Variants in INSC observed in about 807,000 individuals in gnomAD.
INSC encodes protein inscuteable homolog.
Under a neutral mutation model 58.6 loss-of-function variants are expected in INSC, and 67 were observed. That is an observed-to-expected ratio of 1.14 (90% CI 0.94 to 1.40). The LOEUF (loss-of-function observed/expected upper bound fraction) is 1.40, where lower values mean the gene tolerates loss of function less well. Among genes scored for constraint, INSC ranks in the 40% most tolerant of loss-of-function variants. The pLI, the probability that INSC is intolerant of heterozygous loss-of-function variation, is 0.00. For missense variants in INSC, 714 were observed against 692.0 expected, an observed-to-expected ratio of 1.03 and a Z score of -0.36; for synonymous variants, 262 against 276.1, an observed-to-expected ratio of 0.95 and a Z score of 0.51.
intron 7 of INSC, among the ~76,000 whole-genome samples, chr11:15,210,999 G>A (rs1334553590): frequency 1.3e-5 from 2 of 152,046 alleles, no homozygotes; most frequent in East Asian, 3.9e-4. Context: ...GGCAAGTGGT[G>A]GGTCCTCTGG....
At position 15,225,811 on chromosome 11, in the gene INSC, C is replaced by A. The variant is rs747142793; in HGVS notation, c.1153C>A (p.Pro385Thr). 3.3e-5 allele frequency: 53 copies of A among 1,613,028 alleles called. No homozygotes were observed. Among genetic ancestry groups the A allele is most frequent in the Non-Finnish European group, 4.4e-5 (52 of 1,179,598 alleles). ...CAGTGACAAGCAGAGAGTGGACACG[C>A]CTTACACTCGGGACCAGGTAAGACG... ...ACSDKQRVDT[P>T]YTRDQIVTIL... Residue 385 changes from proline to threonine, a missense_variant, in exon 9 of 13, where the codon CCT (proline) becomes ACT (threonine). Coordinates refer to ENST00000379556, the MANE Select transcript of INSC (RefSeq NM_001042536.3).
chr11:15,142,008 G>A (rs572140803), intron 1 of INSC, among the ~76,000 whole-genome samples: 69 of 152,308 alleles, frequency 4.5e-4, no homozygotes, highest in Admixed American at 9.8e-4. Context: ...CAACAGGACA[G>A]AGACTAAATA....
At chr11:15,200,358 A>G (rs894268251) in intron 6 of INSC, among the ~76,000 whole-genome samples, 1 of 152,182 alleles carries the variant, frequency 6.6e-6, no homozygotes, top group Non-Finnish European at 1.5e-5. Context: ...TCTGAGGAAT[A>G]GCATGGTGAC....
chr11:15,225,972 C>A, intron 9 of INSC, 144 bp downstream of exon 9: 2 of 767,524 alleles, frequency 2.6e-6, no homozygotes, highest in Middle Eastern at 3.8e-4. Flanking sequence ...ATATTCTCCA[C>A]GTTTCTCATT....
chr11:15,135,149 G>T (rs889058880), intron 1 of INSC, among the ~76,000 whole-genome samples: 3 of 152,050 alleles, frequency 2.0e-5, no homozygotes, highest in African/African-American at 7.2e-5. Flanking sequence ...GTGCTGGGGT[G>T]CCATGACCAA....
intron 2 of INSC, among the ~76,000 whole-genome samples, chr11:15,173,681 A>G (rs928067272): frequency 1.3e-5 from 2 of 152,168 alleles, no homozygotes; most frequent in African/African-American, 4.8e-5. Context: ...ACAAAATGTA[A>G]TAGCTATTTC....
At chr11:15,209,430 C>T (rs189534533) in intron 7 of INSC, among the ~76,000 whole-genome samples, 3 of 152,348 alleles carry the variant, frequency 2.0e-5, no homozygotes, top group Admixed American at 6.5e-5. Flanking sequence ...TCTGCCTGTG[C>T]TGGGTGTCCC....
At chr11:15,189,676 C>A (rs1289104478) in intron 5 of INSC, among the ~76,000 whole-genome samples, 2 of 152,214 alleles carry the variant, frequency 1.3e-5, no homozygotes, top group Non-Finnish European at 2.9e-5. Context: ...ATAAACCTGG[C>A]AACTGAAACC....
chr11:15,235,521 C>G (rs970444345), intron 9 of INSC, 81 bp from the exon 10 acceptor site: 4 of 1,044,018 alleles, frequency 3.8e-6, no homozygotes, highest in Admixed American at 1.7e-5. Flanking sequence ...AGCTTTGTAG[C>G]CCCTGGCTGA....
intron 9 of INSC, among the ~76,000 whole-genome samples, chr11:15,230,013 AAT>A (rs1376517539): frequency 8.4e-5 from 2 of 23,856 alleles, no homozygotes; most frequent in African/African-American, 1.7e-4. Flanking sequence ...ATATATATAT[AAT>A]ATATATATAT....
chr11:15,243,902 TC>T (rs56899596), intron 12 of INSC, among the ~76,000 whole-genome samples: 20,288 of 147,320 alleles, frequency 0.14, 1,493 homozygotes, highest in African/African-American at 0.19. Flanking sequence ...TTTTTTTTTT[TC>T]CTCCATCTCT....
chr11:15,236,402 C>T (rs1223198982), intron 10 of INSC, among the ~76,000 whole-genome samples: 1 of 152,176 alleles, frequency 6.6e-6, no homozygotes, highest in African/African-American at 2.4e-5. Context: ...TACATTCCAA[C>T]TTTAAATTGT....
chr11:15,181,320 T>C (rs1849769558), intron 5 of INSC, among the ~76,000 whole-genome samples: 1 of 152,248 alleles, frequency 6.6e-6, no homozygotes, highest in Non-Finnish European at 1.5e-5. Flanking sequence ...ATTTACTTCT[T>C]CTGAGATGCT....
At chr11:15,128,483 C>A (rs1036351778) in intron 1 of INSC, among the ~76,000 whole-genome samples, 4 of 152,170 alleles carry the variant, frequency 2.6e-5, no homozygotes, top group Admixed American at 6.5e-5. Flanking sequence ...AGAAAAGAGG[C>A]CAAGAGAAGT....
the INSC span, among the ~76,000 whole-genome samples, chr11:15,262,597 TGCCATAAGATG>T: frequency 6.6e-6 from 1 of 151,754 alleles, no homozygotes; most frequent in Non-Finnish European, 1.5e-5. Context: ...GGGGAATTTG[TGCCATAAGATG>T]GCCCTCACAT....
chr11:15,188,805 C>T (rs1850063997), intron 5 of INSC, among the ~76,000 whole-genome samples: 2 of 152,184 alleles, frequency 1.3e-5, no homozygotes, highest in Non-Finnish European at 2.9e-5. Flanking sequence ...TAATCAGGAA[C>T]ATTAGGTAAT....
At chr11:15,262,689 A>ACAC in the INSC span, among the ~76,000 whole-genome samples, 2 of 72,818 alleles carry the variant, frequency 2.7e-5, no homozygotes, top group Non-Finnish European at 3.0e-5. Flanking sequence ...CACACACACA[A>ACAC]ACAGTATCTC....
intron 2 of INSC, among the ~76,000 whole-genome samples, chr11:15,170,382 T>G (rs945820788): frequency 2.0e-5 from 3 of 152,166 alleles, no homozygotes; most frequent in African/African-American, 7.2e-5. Context: ...TTTTTCAGTC[T>G]GCCTTTGTTT....
chr11:15,200,714 C>T (rs1326652640), intron 6 of INSC, 110 bp from the exon 7 acceptor site: 4 of 1,458,512 alleles, frequency 2.7e-6, no homozygotes, highest in Non-Finnish European at 3.8e-6. Context: ...TTGCTGGAGG[C>T]AGGGAGGACC....
Sources: allele counts gnomAD v4.1 joint callset (sites outside exome capture counted in the v4.1 genomes callset), GRCh38; gene constraint gnomAD v4.1.1; transcripts MANE v1.5; gene names NCBI Gene and HGNC (gene_info 2026-07-23, HGNC 2026-07-21).